Variants in SLCO1B3 observed in about 807,000 individuals in gnomAD.
SLCO1B3 encodes liver-specific organic anion transporter 2.
SLCO1B3 carries 72 observed loss-of-function variants against 71.8 expected under a neutral mutation model. The observed-to-expected ratio is 1.00, with a 90% CI of 0.83 to 1.22. SLCO1B3 has a LOEUF of 1.22. Ranked by LOEUF, SLCO1B3 falls within the 50% of genes most tolerant of loss-of-function variation. The pLI, the probability that SLCO1B3 is intolerant of heterozygous loss-of-function variation, is 0.00. For missense variants in SLCO1B3, 911 were observed against 819.7 expected, an observed-to-expected ratio of 1.11 and a Z score of -1.36; for synonymous variants, 298 against 278.4, an observed-to-expected ratio of 1.07 and a Z score of -0.70.
At position 20,815,764 on chromosome 12, in the gene SLCO1B3, A is replaced by C. The variant is rs200793002; in HGVS notation, c.26A>C (p.Lys9Thr). 47 of 1,599,708 alleles carry C rather than the reference A, an allele frequency of 2.9e-5. 1 individual carries two copies. The East Asian group carries it at 1.0e-3, about 34-fold the overall frequency. Residue 9 changes from lysine (K) to threonine (T), a missense_variant, in exon 3 of 16, where the codon AAA (lysine) becomes ACA (threonine). Lys to Thr is a moderately conservative substitution (Grantham distance 78). Transcript: ENST00000381545. MDQHQHLNKTAESASSEKK... is the reference protein window; with the variant it reads MDQHQHLNTTAESASSEKK... The stretch of plus-strand genomic sequence containing the variant: ...ATGGACCAACATCAACATTTGAATA[A>C]AACAGCAGAGTCAGCATCTTCAGAG...
At chr12:20,880,698 TAATTA>T (rs1336005864) in intron 11 of SLCO1B3, among the ~76,000 whole-genome samples, 152 bp from the exon 12 acceptor site, 2 of 152,272 alleles carry the variant, frequency 1.3e-5, no homozygotes, top group Admixed American at 1.3e-4. Flanking sequence ...TTTCTCTATC[TAATTA>T]AAGGAAAACC....
At chr12:20,852,509 G>C (rs1015467993) in intron 3 of SLCO1B3, among the ~76,000 whole-genome samples, 1 of 152,058 alleles carries the variant, frequency 6.6e-6, no homozygotes, top group African/African-American at 2.4e-5. Flanking sequence ...AAATGGCATT[G>C]AAATTAAAAT....
At chr12:20,849,471 T>G (rs1353737100) in intron 3 of SLCO1B3, among the ~76,000 whole-genome samples, 3 of 152,092 alleles carry the variant, frequency 2.0e-5, no homozygotes, top group Non-Finnish European at 4.4e-5. Flanking sequence ...GACTGAAAGT[T>G]TTGTCCCTGT....
intron 13 of SLCO1B3, among the ~76,000 whole-genome samples, chr12:20,885,598 A>G (rs1329422604): frequency 6.6e-6 from 1 of 151,954 alleles, no homozygotes; most frequent in African/African-American, 2.4e-5. Flanking sequence ...TTATATGACA[A>G]GAGACCTAAA....
At chr12:20,883,870 G>A (rs1022507778) in intron 13 of SLCO1B3, among the ~76,000 whole-genome samples, 2 of 152,130 alleles carry the variant, frequency 1.3e-5, no homozygotes, top group Admixed American at 6.5e-5. Flanking sequence ...TGCCTTGATT[G>A]TAGGAGAATC....
At chr12:20,834,163 CAA>C (rs889311402) in intron 3 of SLCO1B3, among the ~76,000 whole-genome samples, 4 of 60,742 alleles carry the variant, frequency 6.6e-5, no homozygotes, top group Non-Finnish European at 1.3e-4. Flanking sequence ...ATTTATATAT[CAA>C]ACTATGTATG....
intron 14 of SLCO1B3, among the ~76,000 whole-genome samples, chr12:20,900,838 G>A (rs1239947061): frequency 6.6e-6 from 1 of 152,170 alleles, no homozygotes; most frequent in African/African-American, 2.4e-5. Flanking sequence ...GAACTTCTCT[G>A]GGGAGGGAAT....
intron 15 of SLCO1B3, among the ~76,000 whole-genome samples, chr12:20,909,080 A>G (rs903646007): frequency 7.9e-5 from 12 of 151,860 alleles, no homozygotes; most frequent in African/African-American, 2.9e-4. Flanking sequence ...TGGCCATTCT[A>G]ATAGGTATGT....
chr12:20,855,954 A>G lies in SLCO1B3; in HGVS notation c.226+785A>G, dbSNP rs143555681. Among the ~76,000 whole-genome samples, 12 of 152,058 alleles carry G rather than the reference A, an allele frequency of 7.9e-5. No individual in the cohort carries two copies. In the East Asian group the frequency reaches 1.9e-3, roughly 24 times the overall value. On this transcript the variant is annotated intron_variant, in intron 4 of 15. Coordinates refer to ENST00000381545, the MANE Select transcript of SLCO1B3 (RefSeq NM_019844.4). ...AATATTTTCTACAATTCATGTTTCT[A>G]TTCTAACTGTATTTACACAATGCTT... is the stretch of plus-strand genomic sequence containing the variant.
At chr12:20,858,762 A>T (rs749568085) in intron 5 of SLCO1B3, 191 bp downstream of exon 5, 17 of 382,204 alleles carry the variant, frequency 4.4e-5, no homozygotes, top group Non-Finnish European at 6.4e-5. Context: ...TTCTTTATTT[A>T]TCATGGCTTT....
intron 2 of SLCO1B3, among the ~76,000 whole-genome samples, chr12:20,814,947 G>T (rs954057785): frequency 6.9e-6 from 1 of 144,912 alleles, no homozygotes; most frequent in Non-Finnish European, 1.5e-5. Context: ...GGGGACAAAG[G>T]TTATAAGCAG....
intron 13 of SLCO1B3, among the ~76,000 whole-genome samples, chr12:20,884,031 T>C (rs1011051354): frequency 1.3e-5 from 2 of 152,216 alleles, no homozygotes; most frequent in Admixed American, 6.5e-5. Flanking sequence ...ATTCTAATGC[T>C]TTCAATTCAC....
chr12:20,864,899 T>C (rs1865341756), intron 8 of SLCO1B3, among the ~76,000 whole-genome samples: 1 of 152,118 alleles, frequency 6.6e-6, no homozygotes, highest in African/African-American at 2.4e-5. Context: ...ATGGTTAGAA[T>C]GGGGAGAGTT....
chr12:20,811,730 C>A (rs1439623903), intron 1 of SLCO1B3, among the ~76,000 whole-genome samples: 2 of 152,032 alleles, frequency 1.3e-5, no homozygotes, highest in African/African-American at 4.8e-5. Context: ...CATATTGTGT[C>A]CTCAACATTT....
At chr12:20,891,369 A>G (rs1865900399) in intron 13 of SLCO1B3, among the ~76,000 whole-genome samples, 1 of 151,964 alleles carries the variant, frequency 6.6e-6, no homozygotes, top group African/African-American at 2.4e-5. Flanking sequence ...TTGGCTTGTA[A>G]GATTCCTGCT....
intron 10 of SLCO1B3, among the ~76,000 whole-genome samples, chr12:20,878,403 C>A (rs1476917455): frequency 1.3e-5 from 2 of 151,954 alleles, no homozygotes; most frequent in African/African-American, 4.8e-5. Context: ...ATGCATGATT[C>A]AAAACAAATG....
At position 20,862,472 on chromosome 12, in the gene SLCO1B3, G is replaced by T. The variant is rs180875376; in HGVS notation, c.542G>T (p.Arg181Leu). 5 of 1,613,014 alleles carry T rather than the reference G, an allele frequency of 3.1e-6. No individual in the cohort carries two copies. The highest frequency in any genetic ancestry group is 4.2e-6 in the Non-Finnish European group (5 of 1,179,420). The stretch of plus-strand genomic sequence containing the variant: ...TATGTCTTCATGGGGAATATGCTTC[G>T]TGGCATAGGGGAAACCCCCATAGTA... Reference protein sequence around the residue: ...WIYVFMGNMLRGIGETPIVPL... With the variant: ...WIYVFMGNMLLGIGETPIVPL... Residue 181 changes from arginine (R) to leucine (L), a missense_variant, in exon 7 of 16, where the codon CGT (arginine) becomes CTT (leucine). Coordinates refer to ENST00000381545, the MANE Select transcript of SLCO1B3 (RefSeq NM_019844.4).
In SLCO1B3 at chr12:20,916,360, A is replaced by G. The variant is rs760564389; in HGVS notation, c.*113A>G. On this transcript the variant is annotated 3_prime_UTR_variant, in exon 16 of 16. Transcript: ENST00000381545. The stretch of plus-strand genomic sequence containing the variant: ...ATGGATAAGTCTATGCATCTATAAT[A>G]AACTATAAAAAATGGGAGTACCCAT... 26 of 992,346 alleles carry G rather than the reference A, an allele frequency of 2.6e-5. No homozygotes were observed. Among genetic ancestry groups the G allele is most frequent in the Admixed American group, 1.5e-4 (6 of 41,362 alleles). 61.5% of individuals were successfully genotyped at this position (992,346 alleles called of 1,614,324 possible).
chr12:20,883,708 T>A lies in SLCO1B3; in HGVS notation c.1682+106T>A, dbSNP rs1214135442. ...AGCTCAAATTCATATTTTGTCAATT[T>A]TTAATTCTTTGAGAATGCATTTTCT... On this transcript the variant is annotated intron_variant, in intron 13 of 15. Transcript: ENST00000381545. 8.2e-6 allele frequency: 6 copies of A among 728,044 alleles called. No individual in the cohort carries two copies. The African/African-American group carries it at 1.1e-4, about 14-fold the overall frequency. The allele number at this position is 728,044 out of a possible 1,614,324, so 45.1% of individuals were successfully genotyped here. A position where few individuals can be genotyped will look rare whatever the true frequency, so the allele number is the denominator to read the frequency against.
Sources: allele counts gnomAD v4.1 joint callset (sites outside exome capture counted in the v4.1 genomes callset), GRCh38; gene constraint gnomAD v4.1.1; transcripts MANE v1.5; gene names NCBI Gene and HGNC (gene_info 2026-07-23, HGNC 2026-07-21).